The following SPICE1 variants were observed in gnomAD, a reference collection of about 807,000 sequenced individuals.
The protein encoded by SPICE1 is spindle and centriole associated protein 1, also known as spindle and centriole-associated protein 1.
SPICE1 carries 75 observed loss-of-function variants against 102.7 expected under a neutral mutation model. The ratio of observed to expected loss-of-function variants is 0.73; its 90% CI spans 0.61 to 0.88. The LOEUF is 0.88. Ranked by LOEUF, SPICE1 falls within the 40% of genes least tolerant of loss-of-function variation. The pLI, the probability that SPICE1 is intolerant of heterozygous loss-of-function variation, is 0.00. For synonymous variants in SPICE1, 308 were observed against 350.3 expected, an observed-to-expected ratio of 0.88 and a Z score of 1.35; for missense variants, 979 against 1,020.1, an observed-to-expected ratio of 0.96 and a Z score of 0.55.
At chr3:113,494,525 T>C (rs1270995026) in intron 4 of SPICE1, among the ~76,000 whole-genome samples, 1 of 151,588 alleles carries the variant, frequency 6.6e-6, no homozygotes, top group East Asian at 1.9e-4. Flanking sequence ...CGGGCGCCTG[T>C]AGTCCCAGCT....
chr3:113,507,309 A>G (rs1292530584), intron 1 of SPICE1, among the ~76,000 whole-genome samples: 1 of 152,184 alleles, frequency 6.6e-6, no homozygotes, highest in Non-Finnish European at 1.5e-5. Flanking sequence ...AAAGACCCAT[A>G]GTCCCCGAAC....
In SPICE1 at chr3:113,459,390, G is replaced by A. The variant is rs887477386; in HGVS notation, c.1435+1227C>T. On this transcript the variant is annotated intron_variant, in intron 12 of 17. Transcript: ENST00000295872. ...ACGACCCTGCCAAATCCCCCTCTCCGAGAAACACCCAAGAATGATCAATAA... is the reference window on the plus strand; with the variant it reads ...ACGACCCTGCCAAATCCCCCTCTCCAAGAAACACCCAAGAATGATCAATAA... 5.2e-5 allele frequency: 44 copies of A among 851,178 alleles called. No individual in the cohort carries two copies. In the South Asian group the frequency reaches 8.1e-4, roughly 16 times the overall value. The allele number at this position is 851,178 out of a possible 1,614,324, so 52.7% of individuals were successfully genotyped here.
At chr3:113,501,223 T>C (rs1352999765) in intron 3 of SPICE1, among the ~76,000 whole-genome samples, 1 of 152,130 alleles carries the variant, frequency 6.6e-6, no homozygotes, top group Admixed American at 6.5e-5. Flanking sequence ...AAAATAAAGT[T>C]GGGCCCCCCT....
intron 6 of SPICE1, among the ~76,000 whole-genome samples, chr3:113,490,444 C>A (rs148927493): frequency 1.3e-5 from 2 of 152,142 alleles, no homozygotes; most frequent in East Asian, 1.9e-4. Context: ...GAGTTTGAGA[C>A]CAGCTTGGGC....
At chr3:113,480,720 T>A (rs1280538598) in intron 7 of SPICE1, among the ~76,000 whole-genome samples, 1 of 150,508 alleles carries the variant, frequency 6.6e-6, no homozygotes, top group African/African-American at 2.4e-5. Flanking sequence ...TAGCATTGTT[T>A]AAAAAAAAAT....
At chr3:113,511,411 A>T (rs11924109) in intron 1 of SPICE1, among the ~76,000 whole-genome samples, 6,576 of 152,318 alleles carry the variant, frequency 0.043, 169 homozygotes, top group East Asian at 0.081. Flanking sequence ...CATATAAACC[A>T]TGGAATACTA....
chr3:113,497,682 TAGAGAGAG>T (rs71134894), intron 4 of SPICE1, among the ~76,000 whole-genome samples: 28,707 of 136,120 alleles, frequency 0.21, 3,252 homozygotes, highest in African/African-American at 0.29. Flanking sequence ...CATACATACA[TAGAGAGAG>T]AGAGAGAGAA....
rs1576620687 is a variant in SPICE1 at position 113,450,585 on chromosome 3, T to TC, written c.2143-70_2143-69insG. 25 of 1,462,800 alleles carry TC rather than the reference T, an allele frequency of 1.7e-5. No homozygotes were observed. In the East Asian group the frequency reaches 1.9e-4, roughly 11 times the overall value. The allele number at this position is 1,462,800 out of a possible 1,614,324, so 90.6% of individuals were successfully genotyped here. ...CTGAAAAATCTCTCCCACGATTTTT[T>TC]TTTTTTTTTTAGGCAGAGTCTCACT... On this transcript the variant is annotated intron_variant, in intron 14 of 17. Transcript: ENST00000295872.
At chr3:113,446,961 T>C (rs528137456) in intron 16 of SPICE1, among the ~76,000 whole-genome samples, 1 of 152,286 alleles carries the variant, frequency 6.6e-6, no homozygotes, top group South Asian at 2.1e-4. Flanking sequence ...GGGAGGTAAC[T>C]GAATCATGGG....
chr3:113,484,972 T>G (rs939355207), intron 7 of SPICE1, among the ~76,000 whole-genome samples: 1 of 152,030 alleles, frequency 6.6e-6, no homozygotes, highest in African/African-American at 2.4e-5. Context: ...AGTGTTAAAG[T>G]CTCCCCTACC....
At chr3:113,469,444 TTA>T (rs930880405) in intron 7 of SPICE1, among the ~76,000 whole-genome samples, 2 of 146,236 alleles carry the variant, frequency 1.4e-5, no homozygotes, top group East Asian at 1.9e-4. Context: ...ATATAATTAA[TTA>T]TATATAATTA....
At chr3:113,459,293 G>A (rs1935867798) in intron 12 of SPICE1, among the ~76,000 whole-genome samples, 1 of 151,888 alleles carries the variant, frequency 6.6e-6, no homozygotes, top group East Asian at 1.9e-4. Flanking sequence ...AGGAGGCAAG[G>A]CCCTCTGCCT....
chr3:113,456,910 ATACT>A (rs1219618293), intron 13 of SPICE1, among the ~76,000 whole-genome samples: 1 of 152,228 alleles, frequency 6.6e-6, no homozygotes, highest in Non-Finnish European at 1.5e-5. Context: ...TCTGAGTTTA[ATACT>A]TACAATGTTT....
At chr3:113,460,531 A>C in intron 12 of SPICE1, 86 bp downstream of exon 12, 1 of 1,506,354 alleles carries the variant, frequency 6.6e-7, no homozygotes, top group Non-Finnish European at 8.8e-7. Context: ...ATAAGTCTAT[A>C]TAAGTTTAGA....
rs1935474485 is a variant in SPICE1, at chr3:113,444,802, C to T, written c.*505G>A. The stretch of plus-strand genomic sequence containing the variant: ...ATTGTTTTTAAGGCTGTATATTTCA[C>T]TTGATGGAAAAAGTGATGAACAGCA... On this transcript the variant is annotated 3_prime_UTR_variant, in exon 18 of 18. Coordinates refer to ENST00000295872, the MANE Select transcript of SPICE1 (RefSeq NM_144718.4). 1 of 152,270 alleles carries T rather than the reference C, an allele frequency of 6.6e-6. No homozygotes were observed. The highest frequency in any genetic ancestry group is 1.5e-5 in the Non-Finnish European group (1 of 68,160). 9.4% of individuals were successfully genotyped at this position (152,270 alleles called of 1,614,324 possible).
chr3:113,511,358 C>T (rs1327866925), intron 1 of SPICE1, among the ~76,000 whole-genome samples: 3 of 152,146 alleles, frequency 2.0e-5, no homozygotes, highest in Non-Finnish European at 2.9e-5. Flanking sequence ...ATGGAATCAA[C>T]CCAAATGCCC....
intron 12 of SPICE1, chr3:113,460,150 A>G (rs1216896122): frequency 3.0e-6 from 3 of 985,328 alleles, no homozygotes; most frequent in Admixed American, 1.2e-4. Context: ...TCAAAATAAC[A>G]ACACTATCAC....
chr3:113,445,440 C>T (rs1935491001), intron 17 of SPICE1, 80 bp from the exon 18 acceptor site: 1 of 1,186,472 alleles, frequency 8.4e-7, no homozygotes, highest in Non-Finnish European at 1.2e-6. Flanking sequence ...TCATTTAGAC[C>T]AAGTGCATAA....
chr3:113,510,218 A>C (rs1937191473), intron 1 of SPICE1, among the ~76,000 whole-genome samples: 1 of 152,248 alleles, frequency 6.6e-6, no homozygotes, highest in Non-Finnish European at 1.5e-5. Flanking sequence ...TATAGATTCA[A>C]TACTATGCCT....
Sources: gnomAD v4.1 joint callset for allele counts (sites outside exome capture counted in the v4.1 genomes callset) on GRCh38, gnomAD v4.1.1 for gene constraint, MANE v1.5 for transcripts, NCBI Gene and HGNC (gene_info 2026-07-23, HGNC 2026-07-21) for gene names.